SND1: variants seen among roughly 807,000 people sequenced by gnomAD.
The protein encoded by SND1 is staphylococcal nuclease domain-containing protein 1.
A neutral mutation model predicts 121.7 loss-of-function variants in SND1; 38 were observed. The ratio of observed to expected loss-of-function variants is 0.31; its 90% CI spans 0.24 to 0.41. SND1 has a LOEUF of 0.41. SND1 is among the 10% of genes least tolerant of loss of function. The pLI is 1.00. For missense variants in SND1, 868 were observed against 1,184.6 expected (o/e 0.73, Z 3.92); for synonymous variants, 401 against 447.4 (o/e 0.90, Z 1.31).
intron 10 of SND1, among the ~76,000 whole-genome samples, chr7:127,739,241 G>GT (rs1796833254): frequency 6.6e-6 from 1 of 152,174 alleles, no homozygotes; most frequent in Non-Finnish European, 1.5e-5. Context: ...ATTTTAGCTT[G>GT]TAGACTTCCT....
chr7:127,941,642 C>T (rs1483865892), intron 15 of SND1, among the ~76,000 whole-genome samples: 2 of 152,010 alleles, frequency 1.3e-5, no homozygotes, highest in South Asian at 4.1e-4. Flanking sequence ...TGGATGCAGC[C>T]CCTGTGCTAG....
At chr7:128,004,528 C>T (rs1400693150) in intron 16 of SND1, among the ~76,000 whole-genome samples, 1 of 152,228 alleles carries the variant, frequency 6.6e-6, no homozygotes, top group African/African-American at 2.4e-5. Flanking sequence ...ATTTCCTTTT[C>T]TCTATGCCAT....
At chr7:128,050,355 A>C (rs1479950665) in intron 16 of SND1, among the ~76,000 whole-genome samples, 1 of 152,216 alleles carries the variant, frequency 6.6e-6, no homozygotes, top group African/African-American at 2.4e-5. Context: ...TAGAAATCCC[A>C]TACCTCATTG....
chr7:127,752,999 G>A (rs1017620730), intron 10 of SND1, among the ~76,000 whole-genome samples: 3 of 152,146 alleles, frequency 2.0e-5, no homozygotes, highest in African/African-American at 7.2e-5. Context: ...ATTTAGCATT[G>A]ATCAGGTACT....
At chr7:127,887,365 C>A (rs1179472701) in intron 12 of SND1, among the ~76,000 whole-genome samples, 1 of 151,918 alleles carries the variant, frequency 6.6e-6, no homozygotes, top group African/African-American at 2.4e-5. Flanking sequence ...TTATCTTTTC[C>A]AAGCCCACTT....
chr7:127,859,143 G>T (rs1001343472), intron 12 of SND1, among the ~76,000 whole-genome samples: 4 of 152,118 alleles, frequency 2.6e-5, no homozygotes, highest in Non-Finnish European at 5.9e-5. Context: ...GTTTTGTTTT[G>T]TTGTTAAGTG....
chr7:127,878,915 T>G (rs1430820029), intron 12 of SND1, among the ~76,000 whole-genome samples: 1 of 152,088 alleles, frequency 6.6e-6, no homozygotes, highest in Non-Finnish European at 1.5e-5. Flanking sequence ...CTTGGTTATG[T>G]GAGAAGTACC....
chr7:128,002,480 C>T (rs1482659029), intron 16 of SND1, among the ~76,000 whole-genome samples: 1 of 152,170 alleles, frequency 6.6e-6, no homozygotes, highest in East Asian at 1.9e-4. Flanking sequence ...CAAGTCCTAA[C>T]CTATGCAAGA....
chr7:127,835,753 G>A (rs1798856014), intron 11 of SND1, among the ~76,000 whole-genome samples: 1 of 151,934 alleles, frequency 6.6e-6, no homozygotes, highest in Non-Finnish European at 1.5e-5. Context: ...CTGGAAGCTG[G>A]GATCACTATT....
At chr7:127,831,149 G>A (rs1265998465) in intron 11 of SND1, among the ~76,000 whole-genome samples, 2 of 152,200 alleles carry the variant, frequency 1.3e-5, no homozygotes, top group African/African-American at 2.4e-5. Context: ...CTATTGGGAA[G>A]TCTGGGTTCC....
At chr7:127,874,269 G>A (rs1445477335) in intron 12 of SND1, among the ~76,000 whole-genome samples, 1 of 152,150 alleles carries the variant, frequency 6.6e-6, no homozygotes, top group African/African-American at 2.4e-5. Flanking sequence ...CCTATTAAGA[G>A]TACAACAGTG....
At chr7:127,897,273 G>A (rs979669939) in intron 13 of SND1, among the ~76,000 whole-genome samples, 1 of 152,100 alleles carries the variant, frequency 6.6e-6, no homozygotes, top group African/African-American at 2.4e-5. Context: ...CAGTAAGTCA[G>A]AATAAATATA....
At chr7:127,945,446 G>A (rs1417980121) in intron 15 of SND1, among the ~76,000 whole-genome samples, 8 of 151,654 alleles carry the variant, frequency 5.3e-5, no homozygotes, top group African/African-American at 1.2e-4. Context: ...AGCCGAGATC[G>A]CACCACTGCA....
chr7:127,868,311 G>C (rs1799516752), intron 12 of SND1, among the ~76,000 whole-genome samples: 1 of 152,214 alleles, frequency 6.6e-6, no homozygotes, highest in Admixed American at 6.5e-5. Context: ...CTTGAGCCAA[G>C]GAGGTGGAGG....
intron 15 of SND1, among the ~76,000 whole-genome samples, chr7:127,985,541 A>G (rs1243066298): frequency 6.6e-6 from 1 of 152,256 alleles, no homozygotes; most frequent in Non-Finnish European, 1.5e-5. Flanking sequence ...TACAGGCTTC[A>G]GCCACTGTGC....
intron 14 of SND1, among the ~76,000 whole-genome samples, chr7:127,908,391 A>G (rs1800390959): frequency 6.6e-6 from 1 of 150,496 alleles, no homozygotes; most frequent in African/African-American, 2.5e-5. Context: ...CGTCTCTTAC[A>G]CCTATTTTTA....
At chr7:128,026,272 G>C (rs116567886) in intron 16 of SND1, among the ~76,000 whole-genome samples, 2 of 152,162 alleles carry the variant, frequency 1.3e-5, no homozygotes, top group Non-Finnish European at 1.5e-5. Context: ...CAGGAGGAAC[G>C]GATCTTTGGT....
intron 16 of SND1, among the ~76,000 whole-genome samples, chr7:127,993,442 C>T (rs1036638894): frequency 6.6e-6 from 1 of 152,232 alleles, no homozygotes; most frequent in Non-Finnish European, 1.5e-5. Context: ...CAGCAGAAGT[C>T]CTGAGCAATG....
At chr7:127,781,190 C>CTTAAAA (rs1241302886) in intron 10 of SND1, among the ~76,000 whole-genome samples, 1 of 152,156 alleles carries the variant, frequency 6.6e-6, no homozygotes, top group African/African-American at 2.4e-5. Context: ...GGAAGCTGAA[C>CTTAAAA]TTAAAAGACT....
Sources: allele counts gnomAD v4.1 joint callset (sites outside exome capture counted in the v4.1 genomes callset), GRCh38; gene constraint gnomAD v4.1.1; transcripts MANE v1.5; gene names NCBI Gene and HGNC (gene_info 2026-07-23, HGNC 2026-07-21).